Variants in C8orf89 observed in about 807,000 individuals in gnomAD.
C8orf89 encodes chromosome 8 open reading frame 89, also known as putative uncharacterized protein C8orf89.
In C8orf89, 14 loss-of-function variants were observed where a neutral mutation model predicts 15.8. The ratio of observed to expected loss-of-function variants is 0.89; its 90% CI spans 0.59 to 1.39. C8orf89 has a LOEUF of 1.39. Among genes scored for constraint, C8orf89 ranks in the 40% most tolerant of loss-of-function variants. C8orf89 has a pLI of 0.00. For missense variants in C8orf89, 181 were observed against 184.5 expected (o/e 0.98, Z 0.11); for synonymous variants, 55 against 62.2 (o/e 0.88, Z 0.54).
the C8orf89 span, chr8:73,277,975 A>T: frequency 1.6e-6 from 1 of 642,962 alleles, no homozygotes; most frequent in Non-Finnish European, 3.0e-6. Flanking sequence ...CCAAGGCAGC[A>T]GCCCCCAGGG....
At chr8:73,268,234 C>T in the C8orf89 span, among the ~76,000 whole-genome samples, 1 of 152,106 alleles carries the variant, frequency 6.6e-6, no homozygotes, top group African/African-American at 2.4e-5. Flanking sequence ...AATCCCAGCA[C>T]TTTGGGAGGC....
At chr8:73,251,309 G>C (rs1013058946) in intron 2 of C8orf89, among the ~76,000 whole-genome samples, 1 of 152,114 alleles carries the variant, frequency 6.6e-6, no homozygotes, top group African/African-American at 2.4e-5. Flanking sequence ...TACATAAAAC[G>C]AACAAAAATG....
chr8:73,275,765 C>T, the C8orf89 span, among the ~76,000 whole-genome samples: 1 of 151,970 alleles, frequency 6.6e-6, no homozygotes, highest in East Asian at 1.9e-4. Flanking sequence ...AATATCTCTC[C>T]CAATATTAGT....
intron 2 of C8orf89, among the ~76,000 whole-genome samples, chr8:73,252,020 C>G (rs1209973155): frequency 1.3e-5 from 2 of 152,178 alleles, no homozygotes; most frequent in Non-Finnish European, 1.5e-5. Flanking sequence ...TTCTGCATCC[C>G]CGCCATTTTC....
At position 73,244,325 on chromosome 8, in the gene C8orf89, A is replaced by C. The variant is rs534187064; in HGVS notation, c.338-2720T>G. ...GTACTATCTCGAGTTACAGATTTTA[A>C]AAAGACAATTTAGGGATGCTAAATA... On this transcript the variant is annotated intron_variant, in intron 3 of 3. Transcript: ENST00000624510. 3.3e-5 allele frequency among the ~76,000 whole-genome samples: 5 copies of C among 152,280 alleles called. No homozygotes were observed. In the South Asian group the frequency reaches 1.0e-3, roughly 32 times the overall value.
intron 2 of C8orf89, among the ~76,000 whole-genome samples, chr8:73,254,637 T>C (rs1043694965): frequency 2.0e-5 from 3 of 152,106 alleles, no homozygotes; most frequent in African/African-American, 7.2e-5. Context: ...CCTCCTCCCC[T>C]TCTTCACGCC....
chr8:73,283,063 G>A, the C8orf89 span, among the ~76,000 whole-genome samples: 1 of 152,310 alleles, frequency 6.6e-6, no homozygotes, highest in African/African-American at 2.4e-5. Context: ...CTACTTACAC[G>A]TGAGAAATAA....
chr8:73,272,956 T>A, the C8orf89 span, among the ~76,000 whole-genome samples: 19 of 152,206 alleles, frequency 1.2e-4, no homozygotes, highest in Admixed American at 7.8e-4. Flanking sequence ...TCAGGCCACC[T>A]TCCCAACTGC....
chr8:73,249,225 T>C (rs1813193995), intron 3 of C8orf89, among the ~76,000 whole-genome samples: 1 of 152,174 alleles, frequency 6.6e-6, no homozygotes, highest in African/African-American at 2.4e-5. Flanking sequence ...AATTGCCTTA[T>C]TGATTTGGGT....
At chr8:73,245,411 A>G (rs1221357274) in intron 3 of C8orf89, among the ~76,000 whole-genome samples, 2 of 152,348 alleles carry the variant, frequency 1.3e-5, no homozygotes, top group African/African-American at 4.8e-5. Context: ...TAAAATGTCT[A>G]TGTTAGAAAA....
At chr8:73,280,433 C>T in the C8orf89 span, among the ~76,000 whole-genome samples, 19 of 152,246 alleles carry the variant, frequency 1.2e-4, no homozygotes, top group African/African-American at 4.1e-4. Context: ...TGCAGTGGCA[C>T]GATCTCAGCT....
chr8:73,274,288 A>T, the C8orf89 span, among the ~76,000 whole-genome samples: 1 of 151,932 alleles, frequency 6.6e-6, no homozygotes, highest in African/African-American at 2.4e-5. Context: ...AGTAGCTGGG[A>T]CTACAGGCAC....
At chr8:73,280,577 T>C in the C8orf89 span, among the ~76,000 whole-genome samples, 1 of 152,098 alleles carries the variant, frequency 6.6e-6, no homozygotes, top group Non-Finnish European at 1.5e-5. Flanking sequence ...TTTCACCATG[T>C]TGGCCAGGCT....
At chr8:73,267,074 A>G in the C8orf89 span, among the ~76,000 whole-genome samples, 1 of 152,230 alleles carries the variant, frequency 6.6e-6, no homozygotes, top group African/African-American at 2.4e-5. Flanking sequence ...AAGCATGTAG[A>G]ATACACAAAT....
At chr8:73,272,254 T>A in the C8orf89 span, among the ~76,000 whole-genome samples, 1 of 152,114 alleles carries the variant, frequency 6.6e-6, no homozygotes, top group Non-Finnish European at 1.5e-5. Flanking sequence ...TTTTCCTTTC[T>A]CCTCTCTCCC....
chr8:73,267,755 G>A, the C8orf89 span, among the ~76,000 whole-genome samples: 1 of 152,144 alleles, frequency 6.6e-6, no homozygotes, highest in Non-Finnish European at 1.5e-5. Context: ...TGTAGATGTA[G>A]TTACCACGTA....
chr8:73,241,420 A>T lies in C8orf89; in HGVS notation c.*37T>A, dbSNP rs1318945673. ...TAAAAAAAGAAAATATAAAGCTTAA[A>T]AGTCACTGAAGAAAGCATCACACTG... On this transcript the variant is annotated 3_prime_UTR_variant, in exon 4 of 4. Transcript: ENST00000624510. 2 of 1,388,176 alleles carry T rather than the reference A, an allele frequency of 1.4e-6. No individual in the cohort carries two copies. The highest frequency in any genetic ancestry group is 2.9e-5 in the African/African-American group (2 of 69,332). The allele number at this position is 1,388,176 out of a possible 1,614,324, so 86.0% of individuals were successfully genotyped here. A position where few individuals can be genotyped will look rare whatever the true frequency, so the allele number is the denominator to read the frequency against.
At chr8:73,255,371 C>T (rs1227706829) in intron 2 of C8orf89, among the ~76,000 whole-genome samples, 6 of 151,680 alleles carry the variant, frequency 4.0e-5, no homozygotes, top group African/African-American at 1.2e-4. Context: ...TGAAAAAATG[C>T]TCACCATCAC....
chr8:73,274,604 C>T, the C8orf89 span, among the ~76,000 whole-genome samples: 4 of 152,032 alleles, frequency 2.6e-5, no homozygotes, highest in Admixed American at 1.3e-4. Flanking sequence ...TGCATGTTTG[C>T]GTCCTATGTT....
Sources: gnomAD v4.1 joint callset for allele counts (sites outside exome capture counted in the v4.1 genomes callset) on GRCh38, gnomAD v4.1.1 for gene constraint, MANE v1.5 for transcripts, NCBI Gene and HGNC (gene_info 2026-07-23, HGNC 2026-07-21) for gene names.